The following OPCML variants were observed in gnomAD, a reference collection of about 807,000 sequenced individuals.
OPCML encodes the protein opioid-binding protein/cell adhesion molecule.
OPCML carries 13 observed loss-of-function variants against 37.8 expected under a neutral mutation model. That is an observed-to-expected ratio of 0.34 (90% CI 0.22 to 0.55). OPCML has a LOEUF of 0.55. Among genes scored for constraint, OPCML ranks in the 20% least tolerant of loss-of-function variants. The probability of loss-of-function intolerance (pLI) is 0.91; values close to 1 mark genes in which losing one functional copy is unlikely to be tolerated. For synonymous variants in OPCML, 176 were observed against 168.8 expected, an observed-to-expected ratio of 1.04 and a Z score of -0.33; for missense variants, 341 against 435.6, an observed-to-expected ratio of 0.78 and a Z score of 1.93.
intron 1 of OPCML, among the ~76,000 whole-genome samples, chr11:133,262,620 G>A (rs1941527846): frequency 6.6e-6 from 1 of 152,168 alleles, no homozygotes; most frequent in Non-Finnish European, 1.5e-5. Context: ...CCCTTCCACT[G>A]TACCTACTGC....
chr11:132,708,299 A>G (rs1944118193), intron 2 of OPCML, among the ~76,000 whole-genome samples: 1 of 152,174 alleles, frequency 6.6e-6, no homozygotes, highest in Non-Finnish European at 1.5e-5. Context: ...GTTTGCCTAG[A>G]GGAATTAACA....
At chr11:132,957,899 G>A (rs112558989) in intron 1 of OPCML, among the ~76,000 whole-genome samples, 4,108 of 152,176 alleles carry the variant, frequency 0.027, 182 homozygotes, top group African/African-American at 0.094. Flanking sequence ...AGGCCTCCCT[G>A]TTCCCTGAGA....
chr11:133,214,998 T>A (rs1260453107), intron 1 of OPCML, among the ~76,000 whole-genome samples: 5 of 152,178 alleles, frequency 3.3e-5, no homozygotes, highest in Non-Finnish European at 7.3e-5. Context: ...ATCTGAAAAT[T>A]TCCAGGGCTT....
chr11:132,886,894 CG>C (rs1943444403), intron 2 of OPCML, among the ~76,000 whole-genome samples: 1 of 152,138 alleles, frequency 6.6e-6, no homozygotes, highest in African/African-American at 2.4e-5. Context: ...CATCGTGCCC[CG>C]CTCGCAGAAT....
intron 1 of OPCML, among the ~76,000 whole-genome samples, chr11:133,286,033 G>T (rs569009046): frequency 1.3e-5 from 2 of 152,120 alleles, no homozygotes; most frequent in Non-Finnish European, 2.9e-5. Flanking sequence ...GGAGAGGCAG[G>T]CTTCCTTGAA....
chr11:132,928,433 A>G (rs556181250), intron 2 of OPCML, among the ~76,000 whole-genome samples: 16 of 152,214 alleles, frequency 1.1e-4, no homozygotes, highest in Admixed American at 3.9e-4. Flanking sequence ...ATACAAAAAA[A>G]TAAACATATA....
At chr11:132,863,185 C>G (rs138343232) in intron 2 of OPCML, among the ~76,000 whole-genome samples, 38 of 152,226 alleles carry the variant, frequency 2.5e-4, no homozygotes, top group African/African-American at 9.1e-4. Flanking sequence ...GGGCGTGGCT[C>G]GGCCGAGGAT....
intron 2 of OPCML, among the ~76,000 whole-genome samples, chr11:132,756,143 T>C (rs1410007516): frequency 1.3e-5 from 2 of 152,188 alleles, no homozygotes; most frequent in Non-Finnish European, 2.9e-5. Context: ...TCATGAGTTG[T>C]ATAAGTCAAT....
chr11:133,530,594 G>A lies in OPCML; in HGVS notation c.61+1670C>T, dbSNP rs1036786826. Among the ~76,000 whole-genome samples, 8 of 152,342 alleles carry A rather than the reference G, an allele frequency of 5.3e-5. No individual in the cohort carries two copies. In the East Asian group the frequency reaches 5.8e-4, roughly 11 times the overall value. On this transcript the variant is annotated intron_variant, in intron 1 of 7. Transcript: ENST00000524381. ...GGCTCAGGCAGGTACTGAGTGTTCC[G>A]TTGGCTCTGCCTTCCCTGCTGAGCA...
At chr11:133,034,612 A>G (rs933907545) in intron 1 of OPCML, among the ~76,000 whole-genome samples, 5 of 152,210 alleles carry the variant, frequency 3.3e-5, no homozygotes, top group Non-Finnish European at 7.3e-5. Flanking sequence ...ACGTTCTTCA[A>G]TAAAGAATGC....
chr11:132,532,571 G>A (rs1034191479), intron 3 of OPCML, among the ~76,000 whole-genome samples: 4 of 152,136 alleles, frequency 2.6e-5, no homozygotes, highest in African/African-American at 9.7e-5. Context: ...GTTAGTAAAT[G>A]AGAGCTCATC....
intron 7 of OPCML, among the ~76,000 whole-genome samples, chr11:132,428,802 T>C (rs909710088): frequency 6.6e-6 from 1 of 152,162 alleles, no homozygotes; most frequent in Non-Finnish European, 1.5e-5. Context: ...ATGATAACAA[T>C]ATCAATCTCA....
chr11:132,743,749 C>G (rs1023563883), intron 2 of OPCML, among the ~76,000 whole-genome samples: 21 of 152,180 alleles, frequency 1.4e-4, no homozygotes, highest in Non-Finnish European at 2.9e-5. Flanking sequence ...GAGGTTAAAT[C>G]ATAATTGCTT....
chr11:132,742,796 A>G (rs1031771568), intron 2 of OPCML, among the ~76,000 whole-genome samples: 1 of 149,328 alleles, frequency 6.7e-6, no homozygotes, highest in Non-Finnish European at 1.5e-5. Context: ...TATATAATGT[A>G]CAAGTACTCT....
intron 1 of OPCML, chr11:133,421,585 C>G: frequency 6.1e-6 from 6 of 985,398 alleles, no homozygotes; most frequent in Non-Finnish European, 7.2e-6. Flanking sequence ...AAATTGAAAA[C>G]TGGGAGTTTC....
chr11:133,467,234 A>G (rs1006240421), intron 1 of OPCML, among the ~76,000 whole-genome samples: 2 of 152,136 alleles, frequency 1.3e-5, no homozygotes, highest in African/African-American at 2.4e-5. Flanking sequence ...TAGAGAGCTG[A>G]TAGTTTTCAT....
chr11:133,179,518 G>A (rs1302824562), intron 1 of OPCML, among the ~76,000 whole-genome samples: 1 of 152,184 alleles, frequency 6.6e-6, no homozygotes, highest in African/African-American at 2.4e-5. Context: ...AGGCCAGGGA[G>A]AGCGGCACTC....
At chr11:133,028,523 G>A (rs992424315) in intron 1 of OPCML, among the ~76,000 whole-genome samples, 2 of 82,296 alleles carry the variant, frequency 2.4e-5, no homozygotes, top group Non-Finnish European at 4.3e-5. Flanking sequence ...TTGATAAGGA[G>A]CGTGTGTGTG....
At chr11:133,418,396 T>C in intron 1 of OPCML, 1 of 985,126 alleles carries the variant, frequency 1.0e-6, no homozygotes. Context: ...CTAAATAGAT[T>C]GGTGATTGAT....
Sources: gnomAD v4.1 joint callset for allele counts (sites outside exome capture counted in the v4.1 genomes callset) on GRCh38, gnomAD v4.1.1 for gene constraint, MANE v1.5 for transcripts, NCBI Gene and HGNC (gene_info 2026-07-23, HGNC 2026-07-21) for gene names.